DGKH: variants seen among roughly 807,000 people sequenced by gnomAD.
The protein encoded by DGKH is DAG kinase eta.
In DGKH, 90 loss-of-function variants were observed where a neutral mutation model predicts 159.3. The observed-to-expected ratio is 0.57, with a 90% CI of 0.48 to 0.67. The LOEUF is 0.67. DGKH is among the 30% of genes least tolerant of loss of function. DGKH has a pLI of 0.00. For missense variants in DGKH, 1,181 were observed against 1,506.1 expected, an observed-to-expected ratio of 0.78 and a Z score of 3.57; for synonymous variants, 536 against 553.8, an observed-to-expected ratio of 0.97 and a Z score of 0.45.
chr13:42,155,613 A>G lies in DGKH; in HGVS notation c.490-54A>G, dbSNP rs1198601048. The stretch of plus-strand genomic sequence containing the variant: ...CTATATGCATTCCAAACAGTTCAGC[A>G]TCTGTAGCCTTGTTCACTGGCTTGG... On this transcript the variant is annotated intron_variant, in intron 4 of 29. Transcript: ENST00000337343. The G allele has an allele frequency of 3.1e-6, 5 of 1,612,866 alleles. No individual in the cohort carries two copies. The East Asian group carries it at 1.1e-4, about 36-fold the overall frequency.
downstream of DGKH, among the ~76,000 whole-genome samples, chr13:42,244,618 A>T (rs2138332648): frequency 6.6e-6 from 1 of 152,290 alleles, no homozygotes; most frequent in East Asian, 1.9e-4. Flanking sequence ...TAAGAACAAC[A>T]TACTGGCCGG....
chr13:42,250,254 C>A (rs551105749), intron 29 of DGKH, among the ~76,000 whole-genome samples: 36 of 151,986 alleles, frequency 2.4e-4, no homozygotes, highest in African/African-American at 7.5e-4. Flanking sequence ...TAGGCATGAG[C>A]CCCCACGACC....
intron 13 of DGKH, among the ~76,000 whole-genome samples, chr13:42,185,280 G>A (rs1170116): frequency 0.084 from 12,743 of 152,142 alleles, 1,468 homozygotes; most frequent in African/African-American, 0.26. Flanking sequence ...ATAAGATAGA[G>A]CATGTCTTCT....
At chr13:42,150,346 G>A (rs1395583693) in intron 3 of DGKH, among the ~76,000 whole-genome samples, 1 of 152,136 alleles carries the variant, frequency 6.6e-6, no homozygotes, top group Non-Finnish European at 1.5e-5. Context: ...TGAGAAATAG[G>A]CACTATTTGT....
At position 42,234,633 on chromosome 13, in the gene DGKH, C is replaced by T. The variant is rs1031306386; in HGVS notation, c.*5445C>T. 6.6e-6 allele frequency: 1 copy of T among 152,142 alleles called. No homozygotes were observed. The highest frequency in any genetic ancestry group is 2.4e-5 in the African/African-American group (1 of 41,424). The allele number at this position is 152,142 out of a possible 1,614,324, so 9.4% of individuals were successfully genotyped here. ...GGTAATACAAGTGGCAGTTTTAAAA[C>T]ACCAAATTCTTTAGATCAGCTGAAA... On this transcript the variant is annotated 3_prime_UTR_variant, in exon 30 of 30. Transcript: ENST00000337343.
chr13:42,204,754 G>A (rs1343437756), intron 20 of DGKH, among the ~76,000 whole-genome samples: 2 of 152,174 alleles, frequency 1.3e-5, no homozygotes, highest in African/African-American at 4.8e-5. Context: ...ATTTTCACCA[G>A]TTTAGCGAGC....
intron 13 of DGKH, among the ~76,000 whole-genome samples, chr13:42,180,458 G>A (rs1463201323): frequency 6.6e-6 from 1 of 152,198 alleles, no homozygotes; most frequent in African/African-American, 2.4e-5. Flanking sequence ...TCTCCCTCAT[G>A]GAACTGCTAG....
chr13:42,252,588 G>A (rs1469697600), intron 30 of DGKH: 1 of 152,572 alleles, frequency 6.6e-6, no homozygotes, highest in African/African-American at 2.4e-5. Context: ...CATGGTGGAA[G>A]CAGGAAAGAG....
At chr13:42,146,150 C>CTTTTTTTTTTTTTTTT (rs57139526) in intron 3 of DGKH, among the ~76,000 whole-genome samples, 1 of 110,278 alleles carries the variant, frequency 9.1e-6, no homozygotes, top group Non-Finnish European at 1.8e-5. Flanking sequence ...TCTGGGGAGG[C>CTTTTTTTTTTTTTTTT]TTTTTTTTTT....
chr13:42,180,174 C>T (rs1956714860), intron 13 of DGKH, among the ~76,000 whole-genome samples: 1 of 152,242 alleles, frequency 6.6e-6, no homozygotes, highest in South Asian at 2.1e-4. Context: ...ATTTGATTCA[C>T]AGGGCAAGGG....
chr13:42,200,177 T>C (rs1957312851), intron 20 of DGKH, among the ~76,000 whole-genome samples: 1 of 152,114 alleles, frequency 6.6e-6, no homozygotes, highest in Non-Finnish European at 1.5e-5. Flanking sequence ...GGGAGCACAT[T>C]TATAGGAGAG....
chr13:42,069,664 G>A (rs913197292), intron 1 of DGKH: 5 of 1,244,620 alleles, frequency 4.0e-6, no homozygotes, highest in Non-Finnish European at 5.7e-6. Flanking sequence ...TTTCCAATTG[G>A]AAAGATCTGT....
intron 3 of DGKH, among the ~76,000 whole-genome samples, chr13:42,151,505 G>GTATATATATACATGTGTATATATA (rs1313067570): frequency 1.3e-5 from 1 of 79,222 alleles, no homozygotes; most frequent in Non-Finnish European, 2.5e-5. Flanking sequence ...GTGTGTGTGT[G>GTATATATATACATGTGTATATATA]TATACACATG....
chr13:42,198,500 C>G lies in DGKH; in HGVS notation c.2190C>G (p.Ala730=). 3 of 1,613,752 alleles carry G rather than the reference C, an allele frequency of 1.9e-6. No individual in the cohort carries two copies. Among genetic ancestry groups the G allele is most frequent in the Non-Finnish European group, 2.5e-6 (3 of 1,179,824 alleles). The change falls in exon 18 of 30, where the codon GCC becomes GCG. Residue 730 remains alanine, a synonymous_variant. Coordinates refer to ENST00000337343, the MANE Select transcript of DGKH (RefSeq NM_178009.5). ...CAGGTTTAAGAGCAGGACTGGCTGC[C>G]TCAATTGCTGGGAGTTCGATTATCA... is the stretch of plus-strand genomic sequence containing the variant. ...ICPGLRAGLA[A]SIAGSSIINK...
chr13:42,209,146 C>T (rs1957576403), intron 22 of DGKH, 74 bp downstream of exon 22: 3 of 1,415,798 alleles, frequency 2.1e-6, no homozygotes, highest in South Asian at 2.6e-5. Context: ...CTAAACAACT[C>T]GTACACTGGA....
At chr13:42,167,118 C>G (rs1477477087) in intron 9 of DGKH, among the ~76,000 whole-genome samples, 1 of 152,106 alleles carries the variant, frequency 6.6e-6, no homozygotes, top group African/African-American at 2.4e-5. Context: ...ACATAAATGA[C>G]AAAGAAATAC....
At chr13:42,196,299 G>A (rs934940543) in intron 17 of DGKH, among the ~76,000 whole-genome samples, 49 of 152,070 alleles carry the variant, frequency 3.2e-4, no homozygotes, top group Non-Finnish European at 8.8e-5. Flanking sequence ...TTACTACTAG[G>A]TATACACCCA....
At chr13:42,209,796 A>G (rs953555870) in intron 23 of DGKH, among the ~76,000 whole-genome samples, 4 of 152,140 alleles carry the variant, frequency 2.6e-5, no homozygotes, top group Admixed American at 6.5e-5. Flanking sequence ...TGTTGAGTCA[A>G]TACTGATTGA....
chr13:42,091,127 A>G (rs1012387342), intron 1 of DGKH, among the ~76,000 whole-genome samples: 35 of 152,236 alleles, frequency 2.3e-4, no homozygotes, highest in Admixed American at 1.9e-3. Flanking sequence ...TTTACATTAC[A>G]TTATATGCAA....
Sources: allele counts gnomAD v4.1 joint callset (sites outside exome capture counted in the v4.1 genomes callset), GRCh38; gene constraint gnomAD v4.1.1; transcripts MANE v1.5; gene names NCBI Gene and HGNC (gene_info 2026-07-23, HGNC 2026-07-21).